Variants in LINGO2 observed in about 807,000 individuals in gnomAD.
LINGO2 encodes leucine rich repeat and Ig domain containing 2.
A neutral mutation model predicts 30.6 loss-of-function variants in LINGO2; 14 were observed. The ratio of observed to expected loss-of-function variants is 0.46; its 90% CI spans 0.30 to 0.72. The LOEUF (loss-of-function observed/expected upper bound fraction) is 0.72. Ranked by LOEUF, LINGO2 falls within the 30% of genes least tolerant of loss-of-function variation. The pLI is 0.07. For missense variants in LINGO2, 729 were observed against 751.7 expected (o/e 0.97, Z 0.35); for synonymous variants, 317 against 288.5 (o/e 1.10, Z -1.00).
At chr9:28,838,217 G>A in the LINGO2 span, among the ~76,000 whole-genome samples, 1 of 152,112 alleles carries the variant, frequency 6.6e-6, no homozygotes, top group Non-Finnish European at 1.5e-5. Context: ...AAATGCAGAA[G>A]CAGATATGAG....
chr9:28,269,195 T>A (rs1318368415), intron 4 of LINGO2, among the ~76,000 whole-genome samples: 1 of 152,106 alleles, frequency 6.6e-6, no homozygotes, highest in African/African-American at 2.4e-5. Flanking sequence ...ATTTTCCTAC[T>A]ACTGTAATTA....
At chr9:27,942,363 T>G in the LINGO2 span, 1 of 152,200 alleles carries the variant, frequency 6.6e-6, no homozygotes, top group Non-Finnish European at 1.5e-5. Context: ...CGACTCCGAT[T>G]GTCTCATATT....
At chr9:28,910,028 A>G in the LINGO2 span, among the ~76,000 whole-genome samples, 857 of 152,170 alleles carry the variant, frequency 5.6e-3, 12 homozygotes, top group African/African-American at 0.019. Flanking sequence ...GCCAAAAATT[A>G]ACTTTAACAA....
chr9:28,575,193 C>T (rs1272062261), intron 1 of LINGO2, among the ~76,000 whole-genome samples: 2 of 151,992 alleles, frequency 1.3e-5, no homozygotes, highest in Middle Eastern at 3.4e-3. Context: ...CATGAGGTCA[C>T]GAGTTCAAGA....
the LINGO2 span, among the ~76,000 whole-genome samples, chr9:28,826,860 A>C: frequency 6.6e-6 from 1 of 152,140 alleles, no homozygotes; most frequent in South Asian, 2.1e-4. Context: ...CAATCATGGG[A>C]GTCAACAAGG....
chr9:28,380,607 G>C (rs1821315902), intron 2 of LINGO2, among the ~76,000 whole-genome samples: 1 of 152,002 alleles, frequency 6.6e-6, no homozygotes, highest in African/African-American at 2.4e-5. Flanking sequence ...TGTCTGGAAA[G>C]ATGAGAAACA....
intron 4 of LINGO2, among the ~76,000 whole-genome samples, chr9:28,228,985 C>A (rs569457011): frequency 1.5e-4 from 22 of 151,642 alleles, no homozygotes; most frequent in Admixed American, 5.3e-4. Context: ...CCAGGTTGTA[C>A]TCATATAAGC....
the LINGO2 span, among the ~76,000 whole-genome samples, chr9:28,812,323 C>T: frequency 1.3e-5 from 2 of 151,842 alleles, no homozygotes; most frequent in East Asian, 1.9e-4. Context: ...TAGATATTGC[C>T]TTTCTTCTAT....
chr9:28,795,549 T>C, the LINGO2 span, among the ~76,000 whole-genome samples: 7 of 151,794 alleles, frequency 4.6e-5, no homozygotes, highest in African/African-American at 1.7e-4. Context: ...TCTTTATATA[T>C]GCATATATAC....
At chr9:28,099,087 G>A (rs1160158052) in intron 4 of LINGO2, among the ~76,000 whole-genome samples, 2 of 152,080 alleles carry the variant, frequency 1.3e-5, no homozygotes, top group African/African-American at 4.8e-5. Flanking sequence ...GTATGTACTA[G>A]ATAGGACAGT....
At chr9:27,978,401 G>C in intron 5 of LINGO2, among the ~76,000 whole-genome samples, 1 of 152,180 alleles carries the variant, frequency 6.6e-6, no homozygotes, top group South Asian at 2.1e-4. Flanking sequence ...AACCCCCAAG[G>C]TGATGGCATT....
intron 4 of LINGO2, among the ~76,000 whole-genome samples, chr9:28,238,178 A>G (rs1821648677): frequency 6.6e-6 from 1 of 151,290 alleles, no homozygotes; most frequent in Non-Finnish European, 1.5e-5. Flanking sequence ...AGATCCCAAT[A>G]GGGAATAGAT....
At chr9:28,632,251 T>C (rs1037461695) in intron 1 of LINGO2, among the ~76,000 whole-genome samples, 3 of 151,970 alleles carry the variant, frequency 2.0e-5, no homozygotes, top group Non-Finnish European at 4.4e-5. Context: ...TACGTTAAAG[T>C]GGGAGAGAGC....
At chr9:28,515,816 AAAG>A (rs1177642522) in intron 1 of LINGO2, among the ~76,000 whole-genome samples, 2 of 152,226 alleles carry the variant, frequency 1.3e-5, no homozygotes, top group Non-Finnish European at 2.9e-5. Context: ...TTCCATTTTA[AAAG>A]AAGTTTTATG....
the LINGO2 span, among the ~76,000 whole-genome samples, chr9:28,856,329 T>C: frequency 6.6e-6 from 1 of 151,942 alleles, no homozygotes; most frequent in South Asian, 2.1e-4. Context: ...CAATAAAAAG[T>C]GATATAACAA....
At chr9:29,052,334 G>A in the LINGO2 span, among the ~76,000 whole-genome samples, 1 of 152,080 alleles carries the variant, frequency 6.6e-6, no homozygotes, top group Admixed American at 6.6e-5. Context: ...TTTCTATGAT[G>A]AGATCATTGC....
At chr9:28,240,961 G>A (rs1821761640) in intron 4 of LINGO2, among the ~76,000 whole-genome samples, 1 of 151,964 alleles carries the variant, frequency 6.6e-6, no homozygotes, top group Admixed American at 6.6e-5. Flanking sequence ...TATATAAGGA[G>A]CTCAAACAAC....
chr9:28,357,875 C>T (rs185828637), intron 3 of LINGO2, among the ~76,000 whole-genome samples: 54 of 152,234 alleles, frequency 3.5e-4, no homozygotes, highest in African/African-American at 1.1e-3. Flanking sequence ...GGAATCAATA[C>T]ATATTAGCTA....
At chr9:28,951,648 G>C in the LINGO2 span, among the ~76,000 whole-genome samples, 1 of 151,940 alleles carries the variant, frequency 6.6e-6, no homozygotes, top group African/African-American at 2.4e-5. Context: ...ACCAACACTG[G>C]CTGCATAGCA....
Sources: allele counts gnomAD v4.1 joint callset (sites outside exome capture counted in the v4.1 genomes callset), GRCh38; gene constraint gnomAD v4.1.1; transcripts MANE v1.5; gene names NCBI Gene and HGNC (gene_info 2026-07-23, HGNC 2026-07-21).